AKT2: variants seen among roughly 807,000 people sequenced by gnomAD.
The protein encoded by AKT2 is RAC-beta serine/threonine-protein kinase.
In AKT2, 16 loss-of-function variants were observed where a neutral mutation model predicts 58.6. That is an observed-to-expected ratio of 0.27 (90% CI 0.18 to 0.41). The LOEUF (loss-of-function observed/expected upper bound fraction) is 0.41. AKT2 is among the 10% of genes least tolerant of loss of function. AKT2 has a pLI of 1.00. For missense variants in AKT2, 438 were observed against 661.0 expected, an observed-to-expected ratio of 0.66 and a Z score of 3.70; for synonymous variants, 253 against 254.0, an observed-to-expected ratio of 1.00 and a Z score of 0.04.
chr19:40,252,860 G>A (rs1368028477), intron 4 of AKT2, among the ~76,000 whole-genome samples: 1 of 152,150 alleles, frequency 6.6e-6, no homozygotes, highest in African/African-American at 2.4e-5. Context: ...CACTGGTCTC[G>A]ATCTGTTTTT....
chr19:40,235,291 A>G lies in AKT2; in HGVS notation c.1235T>C (p.Ile412Thr). Residue 412 changes from isoleucine (I) to threonine (T), a missense_variant, in exon 12 of 14, where the codon ATC becomes ACC. Coordinates refer to ENST00000392038, the MANE Select transcript of AKT2 (RefSeq NM_001626.6). This position sits in a 1 kb window ranked among gnomAD's most constrained non-coding sequence, Gnocchi z 6.3. ...CTTCTGGACCACGTCCTGCCAGTTGATGCTGAGGAAGAACCTGTGCTCCAT... is the reference window on the plus strand; with the variant it reads ...CTTCTGGACCACGTCCTGCCAGTTGGTGCTGAGGAAGAACCTGTGCTCCAT... ...EVMEHRFFLS[I>T]NWQDVVQKKL... The G allele has an allele frequency of 6.2e-7, 1 of 1,613,982 alleles. No individual in the cohort carries two copies. Among genetic ancestry groups the G allele is most frequent in the Non-Finnish European group, 8.5e-7 (1 of 1,180,000 alleles).
Position 40,233,786 on chromosome 19 carries a change from C to A in AKT2, c.*86G>T, listed in dbSNP as rs1973841874. 7.1e-7 allele frequency: 1 copy of A among 1,417,004 alleles called. No individual in the cohort carries two copies. Among genetic ancestry groups the A allele is most frequent in the African/African-American group, 1.4e-5 (1 of 70,914 alleles). 87.8% of individuals were successfully genotyped at this position (1,417,004 alleles called of 1,614,324 possible). On this transcript the variant is annotated 3_prime_UTR_variant, in exon 14 of 14. Transcript: ENST00000392038. This position sits in a 1 kb window ranked among gnomAD's most constrained non-coding sequence, Gnocchi z 4.3. ...GAGGAGGTGGGGGTGGGGACACAAA[C>A]CAAAAAGGCTAAGTAAAAAGTTAGG...
intron 1 of AKT2, chr19:40,274,743 T>G: frequency 3.4e-6 from 1 of 297,532 alleles, no homozygotes. Flanking sequence ...CTGAGGCGCG[T>G]TCGAGGCGCC....
At chr19:40,240,260 A>T (rs778043057) in intron 6 of AKT2, 150 bp from the exon 7 acceptor site, 3 of 886,954 alleles carry the variant, frequency 3.4e-6, no homozygotes, top group Non-Finnish European at 5.8e-6. Flanking sequence ...AAGCCTGCAA[A>T]CCCTCAGCAA....
intron 4 of AKT2, among the ~76,000 whole-genome samples, chr19:40,254,631 C>T (rs1975405515): frequency 6.6e-6 from 1 of 151,636 alleles, no homozygotes; most frequent in Non-Finnish European, 1.5e-5. Flanking sequence ...AGTTTGAGAC[C>T]AGCCTGGCTA....
chr19:40,249,549 C>T (rs537966792), intron 4 of AKT2, among the ~76,000 whole-genome samples: 4 of 152,326 alleles, frequency 2.6e-5, no homozygotes, highest in Admixed American at 2.0e-4. Flanking sequence ...GTCCTTCATG[C>T]ACAAGCCCGT....
chr19:40,255,592 C>T (rs933699105), intron 3 of AKT2, among the ~76,000 whole-genome samples: 1 of 152,204 alleles, frequency 6.6e-6, no homozygotes, highest in African/African-American at 2.4e-5. Flanking sequence ...GAAGCAGCTT[C>T]TCTGAACTAA....
rs1450101286 is a variant in AKT2 at position 40,245,493 on chromosome 19, A to T, written c.288-2806T>A. The stretch of plus-strand genomic sequence containing the variant: ...ATAGGCACAAACATCTCCAGAAGAG[A>T]AGTCATGATCCTGGAGCCCTGCCTG... On this transcript the variant is annotated intron_variant, in intron 4 of 13. Coordinates refer to ENST00000392038, the MANE Select transcript of AKT2 (RefSeq NM_001626.6). Among the ~76,000 whole-genome samples, 3 of 152,156 alleles carry T rather than the reference A, an allele frequency of 2.0e-5. No individual in the cohort carries two copies. In the East Asian group the frequency reaches 5.8e-4, roughly 29 times the overall value.
intron 2 of AKT2, among the ~76,000 whole-genome samples, chr19:40,261,744 C>T (rs918839852): frequency 3.9e-5 from 6 of 152,042 alleles, no homozygotes; most frequent in Non-Finnish European, 8.8e-5. Flanking sequence ...ACATAGGATA[C>T]AAAAACTGAC....
chr19:40,235,771 TG>T lies in AKT2; in HGVS notation c.1175+118del. Reference sequence around the variant, plus strand: ...ACTGTGGACGTTTTCAGGGGCTGTGTGGGGACGACACACTGCGACCCTACAA... The same window carrying T: ...ACTGTGGACGTTTTCAGGGGCTGTGTGGGACGACACACTGCGACCCTACAA... On this transcript the variant is annotated intron_variant, in intron 11 of 13. Coordinates refer to ENST00000392038, the MANE Select transcript of AKT2 (RefSeq NM_001626.6). This position sits in a 1 kb window ranked among gnomAD's most constrained non-coding sequence, Gnocchi z 6.3. 1.9e-6 allele frequency: 2 copies of T among 1,070,456 alleles called. No homozygotes were observed. Among genetic ancestry groups the T allele is most frequent in the Non-Finnish European group, 2.6e-6 (2 of 756,334 alleles). The allele number at this position is 1,070,456 out of a possible 1,614,324, so 66.3% of individuals were successfully genotyped here.
chr19:40,273,560 A>G (rs891251721), intron 1 of AKT2: 2 of 148,286 alleles, frequency 1.3e-5, no homozygotes, highest in Non-Finnish European at 3.0e-5. Flanking sequence ...TTTTAAACAC[A>G]CTCCCTACAC....
At chr19:40,250,000 G>A (rs903978918) in intron 4 of AKT2, among the ~76,000 whole-genome samples, 4 of 152,160 alleles carry the variant, frequency 2.6e-5, no homozygotes, top group African/African-American at 9.7e-5. Flanking sequence ...GACAGCAAGC[G>A]CTGAGGCCCT....
chr19:40,278,292 C>G (rs189124872), intron 1 of AKT2, among the ~76,000 whole-genome samples: 1 of 152,316 alleles, frequency 6.6e-6, no homozygotes, highest in East Asian at 1.9e-4. Context: ...TCTCTATGCC[C>G]GTTTCCTCCC....
intron 2 of AKT2, 42 bp from the exon 3 acceptor site, chr19:40,257,096 GT>G (rs750122160): frequency 6.2e-7 from 1 of 1,611,064 alleles, no homozygotes; most frequent in African/African-American, 1.3e-5. Flanking sequence ...TTAGGACAAG[GT>G]TGAGTGATGT....
intron 4 of AKT2, among the ~76,000 whole-genome samples, chr19:40,251,719 A>G (rs963600303): frequency 6.6e-6 from 1 of 152,188 alleles, no homozygotes; most frequent in Non-Finnish European, 1.5e-5. Flanking sequence ...AACTAAAGAA[A>G]TTCAAGTACG....
chr19:40,282,692 T>C, intron 1 of AKT2: 1 of 364,326 alleles, frequency 2.7e-6, no homozygotes, highest in Non-Finnish European at 5.7e-6. Context: ...CTCAGTGACC[T>C]GGGTTCAAAT....
chr19:40,256,095 T>C (rs1975522613), intron 3 of AKT2, among the ~76,000 whole-genome samples: 1 of 152,132 alleles, frequency 6.6e-6, no homozygotes, highest in African/African-American at 2.4e-5. Flanking sequence ...TATGAGGACC[T>C]TGAAGACACT....
chr19:40,239,815 G>A (rs371852405), intron 7 of AKT2: 2 of 694,798 alleles, frequency 2.9e-6, no homozygotes, highest in South Asian at 3.0e-5. Flanking sequence ...TAGTTCAAAT[G>A]CTTACATGAA....
At chr19:40,276,947 A>C (rs1317641977) in intron 1 of AKT2, among the ~76,000 whole-genome samples, 1 of 152,172 alleles carries the variant, frequency 6.6e-6, no homozygotes, top group Non-Finnish European at 1.5e-5. Context: ...CACTTGAGCC[A>C]GTGAGGTCAA....
Sources: gnomAD v4.1 joint callset for allele counts (sites outside exome capture counted in the v4.1 genomes callset) on GRCh38, gnomAD v4.1.1 for gene constraint, Gnocchi (gnomAD v3.1) non-coding constraint, MANE v1.5 for transcripts, NCBI Gene and HGNC (gene_info 2026-07-23, HGNC 2026-07-21) for gene names.